The following MRPS35 variants were observed in gnomAD, a reference collection of about 807,000 sequenced individuals.
MRPS35 encodes the protein mitochondrial ribosomal protein S35, also known as small ribosomal subunit protein mS35.
Under a neutral mutation model 32.7 loss-of-function variants are expected in MRPS35, and 29 were observed. The ratio of observed to expected loss-of-function variants is 0.89; its 90% CI spans 0.66 to 1.21. The LOEUF is 1.21. Among genes scored for constraint, MRPS35 ranks in the 50% most tolerant of loss-of-function variants. The probability of loss-of-function intolerance (pLI) is 0.00; values close to 1 mark genes in which losing one functional copy is unlikely to be tolerated. For missense variants in MRPS35, 373 were observed against 383.8 expected, an observed-to-expected ratio of 0.97 and a Z score of 0.23; for synonymous variants, 148 against 139.3, an observed-to-expected ratio of 1.06 and a Z score of -0.44.
At position 27,713,683 on chromosome 12, in the gene MRPS35, G is replaced by C. The variant is rs372692128; in HGVS notation, c.113-1097G>C. Among the ~76,000 whole-genome samples the C allele has an allele frequency of 3.9e-5, 6 of 152,288 alleles. No homozygotes were observed. The South Asian group carries it at 1.0e-3, about 26-fold the overall frequency. On this transcript the variant is annotated intron_variant, in intron 1 of 7. Transcript: ENST00000081029. ...ATTGAGAGCAGGTATTCCTCACTCAGTCCACTGACTCAAATGCCTGTCTCT... is the reference window on the plus strand; with the variant it reads ...ATTGAGAGCAGGTATTCCTCACTCACTCCACTGACTCAAATGCCTGTCTCT...
intron 1 of MRPS35, among the ~76,000 whole-genome samples, chr12:27,712,009 TCAGA>T (rs2140748529): frequency 6.6e-6 from 1 of 151,422 alleles, no homozygotes; most frequent in South Asian, 2.1e-4. Flanking sequence ...AAATAAGATG[TCAGA>T]TAGGGTTTAA....
chr12:27,712,237 G>A (rs915301696), intron 1 of MRPS35, among the ~76,000 whole-genome samples: 6 of 152,146 alleles, frequency 3.9e-5, no homozygotes, highest in Non-Finnish European at 8.8e-5. Context: ...ATCAAGGAAC[G>A]GGAAGAAGGA....
At chr12:27,713,081 CTT>C (rs1214489133) in intron 1 of MRPS35, among the ~76,000 whole-genome samples, 1 of 152,210 alleles carries the variant, frequency 6.6e-6, no homozygotes, top group African/African-American at 2.4e-5. Context: ...CCTTCAGCCT[CTT>C]TTCTCTCTGT....
chr12:27,736,298 G>A (rs1403730338), intron 6 of MRPS35, among the ~76,000 whole-genome samples: 1 of 152,196 alleles, frequency 6.6e-6, no homozygotes, highest in Non-Finnish European at 1.5e-5. Context: ...CACACATGCA[G>A]AGATTGCAAC....
At position 27,719,849 on chromosome 12, in the gene MRPS35, G is replaced by A; in HGVS notation, c.363G>A (p.Lys121=). 6.2e-7 allele frequency: 1 copy of A among 1,607,324 alleles called. No individual in the cohort carries two copies. Among genetic ancestry groups the A allele is most frequent in the Non-Finnish European group, 8.5e-7 (1 of 1,174,892 alleles). Residue 121 remains lysine, a synonymous_variant, in exon 4 of 8, where the codon AAG becomes AAA. Coordinates refer to ENST00000081029, the MANE Select transcript of MRPS35 (RefSeq NM_021821.4). The part of the protein sequence containing the change: ...FLHLTPVAIK[K]HCEALKDFCT... ...ATTTGACTCCTGTAGCAATTAAAAA[G>A]CACTGTGAAGCCCTTAAAGGTAAGT...
rs1298970274 is a variant in MRPS35, at chr12:27,733,026, A to ATCTATCTATCTATC, written c.523-2420_523-2419insCTATCTATCTATCT. ...TATATATATATATATATATATATAT[A>ATCTATCTATCTATC]TATATATATATATATCCAGCACCTC... On this transcript the variant is annotated intron_variant, in intron 5 of 7. Coordinates refer to ENST00000081029, the MANE Select transcript of MRPS35 (RefSeq NM_021821.4). Among the ~76,000 whole-genome samples, 19 of 132,944 alleles carry ATCTATCTATCTATC rather than the reference A, an allele frequency of 1.4e-4. No individual in the cohort carries two copies. The East Asian group carries it at 4.4e-3, about 31-fold the overall frequency. 87.2% of individuals were successfully genotyped at this position (132,944 alleles called of 152,430 possible). A position where few individuals can be genotyped will look rare whatever the true frequency, so the allele number is the denominator to read the frequency against.
rs1409122890 is a variant in MRPS35, at chr12:27,732,279, C to T, written c.523-3168C>T. Among the ~76,000 whole-genome samples, 3 of 152,340 alleles carry T rather than the reference C, an allele frequency of 2.0e-5. No individual in the cohort carries two copies. The East Asian group carries it at 5.8e-4, about 29-fold the overall frequency. On this transcript the variant is annotated intron_variant, in intron 5 of 7. Coordinates refer to ENST00000081029, the MANE Select transcript of MRPS35 (RefSeq NM_021821.4). ...CTAGAATTGACATCCAATGTCCCTA[C>T]TGGTTCTAAGTTTGCTTATTTTATT...
In MRPS35 at chr12:27,718,166, C is replaced by T. The variant is rs147003358; in HGVS notation, c.322-1642C>T. On this transcript the variant is annotated intron_variant, in intron 3 of 7. Transcript: ENST00000081029. The stretch of plus-strand genomic sequence containing the variant: ...CTGGCCAGGTGTGGTGGCTCACACC[C>T]GTAATCCCAGCACTTTGGGAAGCCA... Among the ~76,000 whole-genome samples the T allele has an allele frequency of 2.3e-3, 348 of 152,178 alleles. 1 individual carries two copies. The highest frequency in any genetic ancestry group is 8.1e-3 in the African/African-American group (337 of 41,518).
chr12:27,746,264 T>C lies in MRPS35; in HGVS notation c.702+8656T>C, dbSNP rs78010231. Among the ~76,000 whole-genome samples the C allele has an allele frequency of 2.7e-4, 41 of 152,306 alleles. No homozygotes were observed. In the East Asian group the frequency reaches 6.8e-3, roughly 25 times the overall value. The stretch of plus-strand genomic sequence containing the variant: ...TCTTTTTTAAGACAGTTTTTGTACA[T>C]GTAAGTTTGAGTATCCCTAATTTGA... On this transcript the variant is annotated intron_variant, in intron 7 of 7. Transcript: ENST00000081029.
chr12:27,751,647 T>C (rs2062004275), intron 7 of MRPS35, among the ~76,000 whole-genome samples: 1 of 152,172 alleles, frequency 6.6e-6, no homozygotes, highest in African/African-American at 2.4e-5. Flanking sequence ...CCGAGCTGTG[T>C]CCTGGCTCCC....
chr12:27,740,446 T>G (rs2061960030), intron 7 of MRPS35, among the ~76,000 whole-genome samples: 1 of 152,172 alleles, frequency 6.6e-6, no homozygotes, highest in Non-Finnish European at 1.5e-5. Context: ...TTTTGCATTT[T>G]TTTTGTAGAG....
rs758125252 is a variant in MRPS35, at chr12:27,714,810, C to T, written c.143C>T (p.Pro48Leu). 9 of 1,610,418 alleles carry T rather than the reference C, an allele frequency of 5.6e-6. No individual in the cohort carries two copies. The highest frequency in any genetic ancestry group is 3.3e-5 in the Admixed American group (2 of 59,808). ...AGAACACCCGGAAATGAAAGGCCAC[C>T]AAGAAGAAAGGTAAAAAGTTCGTAT... ...PERTPGNERPPRRKALPPRTE... is the reference protein window; with the variant it reads ...PERTPGNERPLRRKALPPRTE... Residue 48 changes from proline to leucine, a missense_variant, in exon 2 of 8, where the codon CCA (proline) becomes CTA (leucine). By Grantham distance (98) the Pro-to-Leu change is moderately conservative. Transcript: ENST00000081029.
chr12:27,751,102 C>CAAAAAAAAAAAA (rs71438703), intron 7 of MRPS35, among the ~76,000 whole-genome samples: 32 of 37,976 alleles, frequency 8.4e-4, no homozygotes, highest in East Asian at 1.9e-3. Flanking sequence ...GACTCCATCT[C>CAAAAAAAAAAAA]AAAAAAAAAA....
At chr12:27,724,837 C>T (rs2061893413) in intron 5 of MRPS35, among the ~76,000 whole-genome samples, 1 of 152,058 alleles carries the variant, frequency 6.6e-6, no homozygotes, top group African/African-American at 2.4e-5. Context: ...CACAGCCTGC[C>T]TTTGTGTATA....
intron 7 of MRPS35, among the ~76,000 whole-genome samples, chr12:27,754,264 A>C (rs771379490): frequency 1.1e-4 from 16 of 152,114 alleles, no homozygotes; most frequent in Admixed American, 1.0e-3. Context: ...GGCGGGGGAA[A>C]AAAGAAAATT....
chr12:27,727,282 C>T (rs2061904472), intron 5 of MRPS35, among the ~76,000 whole-genome samples: 3 of 152,024 alleles, frequency 2.0e-5, no homozygotes, highest in African/African-American at 7.3e-5. Flanking sequence ...TGATGAAGTC[C>T]AATTTATGTA....
At position 27,735,574 on chromosome 12, in the gene MRPS35, C is replaced by A; in HGVS notation, c.632+18C>A. On this transcript the variant is annotated intron_variant, in intron 6 of 7. Transcript: ENST00000081029. ...ACAGATAGGTAATGGAAAAAATGTT[C>A]AGCCGACTGGTCACGTGTGTTTCCT... 6.4e-7 allele frequency: 1 copy of A among 1,566,106 alleles called. No individual in the cohort carries two copies.
intron 7 of MRPS35, among the ~76,000 whole-genome samples, chr12:27,754,700 G>A (rs1174335742): frequency 2.7e-5 from 4 of 149,792 alleles, no homozygotes; most frequent in Non-Finnish European, 5.9e-5. Context: ...CTGCAAGGTC[G>A]AGGCTGCTGT....
intron 1 of MRPS35, among the ~76,000 whole-genome samples, chr12:27,713,058 C>A (rs182270877): frequency 6.6e-6 from 1 of 152,166 alleles, no homozygotes; most frequent in Admixed American, 6.5e-5. Flanking sequence ...ATAGTTAAGA[C>A]GCCTGTTAAG....
Sources: gnomAD v4.1 joint callset for allele counts (sites outside exome capture counted in the v4.1 genomes callset) on GRCh38, gnomAD v4.1.1 for gene constraint, MANE v1.5 for transcripts, NCBI Gene and HGNC (gene_info 2026-07-23, HGNC 2026-07-21) for gene names.